Variants in FHIT observed in about 807,000 individuals in gnomAD.
FHIT encodes fragile histidine triad diadenosine triphosphatase, also known as bis(5'-adenosyl)-triphosphatase.
FHIT carries 19 observed loss-of-function variants against 17.9 expected under a neutral mutation model. That is an observed-to-expected ratio of 1.06 (90% CI 0.74 to 1.56). The LOEUF is 1.56. FHIT is among the 40% of genes most tolerant of loss of function. The pLI is 0.00. For missense variants in FHIT, 248 were observed against 189.2 expected (o/e 1.31, Z -1.82); for synonymous variants, 81 against 69.7 (o/e 1.16, Z -0.81).
At chr3:60,002,767 T>A (rs181598200) in intron 7 of FHIT, among the ~76,000 whole-genome samples, 239 of 152,294 alleles carry the variant, frequency 1.6e-3, no homozygotes, top group African/African-American at 5.7e-3. Flanking sequence ...TATTAATGAC[T>A]TTGGCATAAA....
intron 2 of FHIT, among the ~76,000 whole-genome samples, chr3:61,169,354 G>C (rs2037930185): frequency 6.6e-6 from 1 of 152,010 alleles, no homozygotes. Context: ...CTTTTCCTTT[G>C]AGCCAGTTAT....
chr3:60,778,009 C>T (rs1553724878), intron 4 of FHIT, among the ~76,000 whole-genome samples: 1 of 152,100 alleles, frequency 6.6e-6, no homozygotes, highest in East Asian at 1.9e-4. Flanking sequence ...CTTCAGAGGG[C>T]CCCCGATGTG....
intron 5 of FHIT, among the ~76,000 whole-genome samples, chr3:60,086,144 G>C (rs927128040): frequency 5.3e-5 from 8 of 152,154 alleles, no homozygotes; most frequent in Non-Finnish European, 1.2e-4. Flanking sequence ...AAGCAAGAGA[G>C]AGAGTAAAAG....
intron 5 of FHIT, among the ~76,000 whole-genome samples, chr3:60,027,518 A>G (rs1700801512): frequency 6.6e-6 from 1 of 152,096 alleles, no homozygotes; most frequent in South Asian, 2.1e-4. Context: ...GAAAATAGAA[A>G]CTGCTTAAAT....
intron 3 of FHIT, among the ~76,000 whole-genome samples, chr3:60,881,819 T>A (rs1451065909): frequency 6.6e-6 from 1 of 151,730 alleles, no homozygotes; most frequent in Non-Finnish European, 1.5e-5. Flanking sequence ...AGACTTTAAA[T>A]AAATAATCTA....
At chr3:59,768,980 G>C (rs116383682) in intron 8 of FHIT, among the ~76,000 whole-genome samples, 2,817 of 152,272 alleles carry the variant, frequency 0.018, 67 homozygotes, top group African/African-American at 0.062. Context: ...GCCTAACCTT[G>C]AGTACCTCAA....
chr3:60,984,031 T>G (rs1006446784), intron 3 of FHIT, among the ~76,000 whole-genome samples: 1 of 152,194 alleles, frequency 6.6e-6, no homozygotes, highest in African/African-American at 2.4e-5. Context: ...GGGAAGCCCT[T>G]CCAGAGCATC....
At chr3:60,629,545 G>T (rs1246174695) in intron 4 of FHIT, among the ~76,000 whole-genome samples, 1 of 152,170 alleles carries the variant, frequency 6.6e-6, no homozygotes, top group Non-Finnish European at 1.5e-5. Context: ...GCTTATTACT[G>T]CAGGAAAGCC....
At chr3:60,063,633 G>T (rs1318735117) in intron 5 of FHIT, among the ~76,000 whole-genome samples, 1 of 152,214 alleles carries the variant, frequency 6.6e-6, no homozygotes, top group African/African-American at 2.4e-5. Flanking sequence ...CTGTCTGGTT[G>T]TTGAGAGAGA....
At chr3:60,601,243 T>TCA (rs1412873603) in intron 4 of FHIT, among the ~76,000 whole-genome samples, 1 of 152,126 alleles carries the variant, frequency 6.6e-6, no homozygotes, top group East Asian at 1.9e-4. Flanking sequence ...TTCTCCACCC[T>TCA]CACCCTCCAC....
At chr3:61,005,412 T>A (rs560560992) in intron 3 of FHIT, among the ~76,000 whole-genome samples, 1 of 151,872 alleles carries the variant, frequency 6.6e-6, no homozygotes. Context: ...ATAATGATTG[T>A]GATGGTGATG....
At chr3:60,615,068 TCTGC>T (rs1273885996) in intron 4 of FHIT, among the ~76,000 whole-genome samples, 3 of 152,062 alleles carry the variant, frequency 2.0e-5, no homozygotes, top group South Asian at 2.1e-4. Flanking sequence ...GACCTCGTGA[TCTGC>T]CTGCCTTGGC....
intron 7 of FHIT, among the ~76,000 whole-genome samples, chr3:60,010,401 A>G (rs1700095268): frequency 6.6e-6 from 1 of 152,230 alleles, no homozygotes; most frequent in East Asian, 1.9e-4. Context: ...ACTGCTTAGA[A>G]GTATTTCCCA....
chr3:60,925,856 G>A (rs549940463), intron 3 of FHIT, among the ~76,000 whole-genome samples: 70 of 152,286 alleles, frequency 4.6e-4, no homozygotes, highest in Middle Eastern at 3.4e-3. Flanking sequence ...TAAATGGATG[G>A]AAGAAGATCT....
chr3:60,438,097 G>C (rs2107318751), intron 5 of FHIT, among the ~76,000 whole-genome samples: 1 of 152,102 alleles, frequency 6.6e-6, no homozygotes, highest in South Asian at 2.1e-4. Flanking sequence ...TATGGCAACT[G>C]TGGCAACCGT....
intron 5 of FHIT, among the ~76,000 whole-genome samples, chr3:60,479,594 G>A (rs2033511715): frequency 1.3e-5 from 2 of 152,194 alleles, no homozygotes; most frequent in Non-Finnish European, 2.9e-5. Flanking sequence ...AGGTACAGCA[G>A]GGGTCCCCAA....
At chr3:61,247,504 A>G (rs1274402884) in intron 1 of FHIT, among the ~76,000 whole-genome samples, 2 of 152,226 alleles carry the variant, frequency 1.3e-5, no homozygotes, top group Non-Finnish European at 2.9e-5. Context: ...AGGATTTAAT[A>G]TATAGGTGGA....
chr3:60,645,645 G>T (rs1170353134), intron 4 of FHIT, among the ~76,000 whole-genome samples: 2 of 152,064 alleles, frequency 1.3e-5, no homozygotes, highest in Non-Finnish European at 1.5e-5. Context: ...GCTGTCTTTT[G>T]GTCGCTGTAT....
chr3:59,922,224 A>T, intron 8 of FHIT, 122 bp downstream of exon 8: 1 of 890,628 alleles, frequency 1.1e-6, no homozygotes, highest in Non-Finnish European at 1.8e-6. Flanking sequence ...CCACTTTCCA[A>T]GTCTGGCTAA....
Sources: allele counts gnomAD v4.1 joint callset (sites outside exome capture counted in the v4.1 genomes callset), GRCh38; gene constraint gnomAD v4.1.1; transcripts MANE v1.5; gene names NCBI Gene and HGNC (gene_info 2026-07-23, HGNC 2026-07-21).